The following LRMDA variants were observed in gnomAD, a reference collection of about 807,000 sequenced individuals.
LRMDA encodes the protein leucine rich melanocyte differentiation associated.
In LRMDA, 18 loss-of-function variants were observed where a neutral mutation model predicts 29.8. The observed-to-expected ratio is 0.60, with a 90% CI of 0.42 to 0.90. The LOEUF is 0.90. Ranked by LOEUF, LRMDA falls within the 40% of genes least tolerant of loss-of-function variation. LRMDA has a pLI of 0.00. For synonymous variants in LRMDA, 125 were observed against 109.4 expected, an observed-to-expected ratio of 1.14 and a Z score of -0.89; for missense variants, 273 against 273.9, an observed-to-expected ratio of 1.00 and a Z score of 0.02.
At position 75,607,529 on chromosome 10, in the gene LRMDA, G is replaced by T. The variant is rs1243539265; in HGVS notation, c.131+169035G>T. 2.0e-5 allele frequency among the ~76,000 whole-genome samples: 3 copies of T among 152,074 alleles called. No homozygotes were observed. In the East Asian group the frequency reaches 5.8e-4, roughly 29 times the overall value. ...TTTGTAGTGCTCTAATTTATAGTGG[G>T]CCCTTCCACTTTTAGTTTTTAACAC... is the stretch of plus-strand genomic sequence containing the variant. On this transcript the variant is annotated intron_variant, in intron 2 of 6. Coordinates refer to ENST00000611255, the MANE Select transcript of LRMDA (RefSeq NM_001305581.2).
chr10:75,579,080 C>A (rs556119489), intron 2 of LRMDA, among the ~76,000 whole-genome samples: 30 of 152,160 alleles, frequency 2.0e-4, no homozygotes, highest in Non-Finnish European at 3.8e-4. Flanking sequence ...CAGAGCAGAA[C>A]TGAAGGAGAT....
intron 5 of LRMDA, among the ~76,000 whole-genome samples, chr10:76,094,602 G>A (rs981645740): frequency 6.6e-6 from 1 of 151,980 alleles, no homozygotes; most frequent in African/African-American, 2.4e-5. Flanking sequence ...ACTACTCAAA[G>A]GTGTCCATGG....
intron 2 of LRMDA, among the ~76,000 whole-genome samples, chr10:75,975,428 G>A (rs147033500): frequency 1.5e-3 from 236 of 152,302 alleles, no homozygotes; most frequent in African/African-American, 5.4e-3. Flanking sequence ...GCAGTGAATT[G>A]GATAGAGGAA....
At chr10:75,574,904 A>G (rs1840483558) in intron 2 of LRMDA, among the ~76,000 whole-genome samples, 1 of 152,194 alleles carries the variant, frequency 6.6e-6, no homozygotes, top group Non-Finnish European at 1.5e-5. Context: ...TAATTTATAA[A>G]GAAAAGAGGT....
At chr10:75,455,008 G>T (rs2132034202) in intron 2 of LRMDA, among the ~76,000 whole-genome samples, 1 of 152,328 alleles carries the variant, frequency 6.6e-6, no homozygotes. Flanking sequence ...TAACTGGTGG[G>T]TAGAAGTCAG....
intron 6 of LRMDA, among the ~76,000 whole-genome samples, chr10:76,326,618 A>G (rs1346944975): frequency 6.6e-6 from 1 of 152,158 alleles, no homozygotes; most frequent in Non-Finnish European, 1.5e-5. Flanking sequence ...CGAGTTCCCA[A>G]TCTCTTTTCC....
At chr10:76,273,313 T>A (rs1189552057) in intron 5 of LRMDA, among the ~76,000 whole-genome samples, 1 of 152,176 alleles carries the variant, frequency 6.6e-6, no homozygotes, top group Admixed American at 6.5e-5. Context: ...GAATTTTGTG[T>A]AAATATTTAG....
rs1216374614 is a variant in LRMDA, at chr10:75,973,781, A to G, written c.132-62227A>G. ...TAAGATGAATAATGACAGCACCGTG[A>G]CTTGGGGGCGGTGGGGTAGTGGGGG... is the stretch of plus-strand genomic sequence containing the variant. On this transcript the variant is annotated intron_variant, in intron 2 of 6. Coordinates refer to ENST00000611255, the MANE Select transcript of LRMDA (RefSeq NM_001305581.2). 3.3e-5 allele frequency among the ~76,000 whole-genome samples: 5 copies of G among 152,176 alleles called. No individual in the cohort carries two copies. The East Asian group carries it at 9.7e-4, about 29-fold the overall frequency.
intron 2 of LRMDA, among the ~76,000 whole-genome samples, chr10:75,977,936 C>T (rs1253746582): frequency 3.3e-5 from 5 of 152,144 alleles, no homozygotes; most frequent in Admixed American, 1.3e-4. Context: ...CATAATGGTC[C>T]CTGTCTTGTA....
chr10:76,476,811 C>T (rs1842677858), intron 6 of LRMDA, among the ~76,000 whole-genome samples: 1 of 152,132 alleles, frequency 6.6e-6, no homozygotes, highest in Non-Finnish European at 1.5e-5. Context: ...ACATGATTAT[C>T]TCAATAGATG....
intron 1 of LRMDA, among the ~76,000 whole-genome samples, chr10:75,435,270 ATTTTTGGT>A (rs1844251458): frequency 6.6e-6 from 1 of 152,154 alleles, no homozygotes; most frequent in Non-Finnish European, 1.5e-5. Context: ...GAAGCAAACT[ATTTTTGGT>A]TTGGCTCTTC....
intron 5 of LRMDA, among the ~76,000 whole-genome samples, chr10:76,299,004 A>G (rs995360084): frequency 6.6e-6 from 1 of 152,192 alleles, no homozygotes; most frequent in South Asian, 2.1e-4. Context: ...TTGATTAGAA[A>G]TATTTTCTTT....
At chr10:76,453,390 G>A (rs1372495703) in intron 6 of LRMDA, among the ~76,000 whole-genome samples, 1 of 152,214 alleles carries the variant, frequency 6.6e-6, no homozygotes, top group South Asian at 2.1e-4. Context: ...TAGGAGCCAA[G>A]CCCTTCACCT....
intron 2 of LRMDA, among the ~76,000 whole-genome samples, chr10:75,730,662 C>A (rs1417275015): frequency 2.0e-5 from 3 of 152,156 alleles, no homozygotes; most frequent in Non-Finnish European, 4.4e-5. Context: ...TTCATAGAAC[C>A]TGCTGGTTGT....
chr10:75,577,779 A>T (rs1840526484), intron 2 of LRMDA, among the ~76,000 whole-genome samples: 1 of 152,214 alleles, frequency 6.6e-6, no homozygotes, highest in Non-Finnish European at 1.5e-5. Context: ...TTTCATATCC[A>T]GCTAAACTAA....
chr10:76,410,362 G>A (rs1841947314), intron 6 of LRMDA, among the ~76,000 whole-genome samples: 1 of 129,592 alleles, frequency 7.7e-6, no homozygotes, highest in Non-Finnish European at 1.6e-5. Flanking sequence ...AGGCTGGAGT[G>A]CAGTGGTGCA....
chr10:75,911,196 C>A (rs537304274), intron 2 of LRMDA, among the ~76,000 whole-genome samples: 1 of 152,212 alleles, frequency 6.6e-6, no homozygotes, highest in Non-Finnish European at 1.5e-5. Flanking sequence ...CCTCCCTTTC[C>A]TGGTGCTATT....
rs150072796 is a variant in LRMDA, at chr10:75,719,262, T to C, written c.131+280768T>C. ...AGAGGAACCATAGCAGTAACAATGA[T>C]TGGTGAGATGATGTATCTGAAGAGC... On this transcript the variant is annotated intron_variant, in intron 2 of 6. Transcript: ENST00000611255. Among the ~76,000 whole-genome samples the C allele has an allele frequency of 1.3e-3, 192 of 152,298 alleles. 1 individual carries two copies. The highest frequency in any genetic ancestry group is 4.4e-3 in the African/African-American group (182 of 41,562).
At chr10:75,944,885 C>A (rs1846451965) in intron 2 of LRMDA, among the ~76,000 whole-genome samples, 3 of 151,914 alleles carry the variant, frequency 2.0e-5, no homozygotes, top group East Asian at 3.9e-4. Flanking sequence ...TCATTATAAT[C>A]ATCTTTTCCC....
Sources: allele counts gnomAD v4.1 joint callset (sites outside exome capture counted in the v4.1 genomes callset), GRCh38; gene constraint gnomAD v4.1.1; transcripts MANE v1.5; gene names NCBI Gene and HGNC (gene_info 2026-07-23, HGNC 2026-07-21).